Variants in FAT2 observed in about 807,000 individuals in gnomAD.
The protein encoded by FAT2 is FAT atypical cadherin 2, also known as protocadherin Fat 2.
FAT2 carries 150 observed loss-of-function variants against 295.3 expected under a neutral mutation model. That is an observed-to-expected ratio of 0.51 (90% confidence interval 0.44 to 0.58). The LOEUF (loss-of-function observed/expected upper bound fraction) is 0.58. Ranked by LOEUF, FAT2 falls within the 20% of genes least tolerant of loss-of-function variation. FAT2 has a pLI of 0.00. For synonymous variants in FAT2, 2,026 were observed against 2,150.3 expected, an observed-to-expected ratio of 0.94 and a Z score of 1.60; for missense variants, 4,868 against 5,442.7, an observed-to-expected ratio of 0.89 and a Z score of 3.32.
rs76550180 is a variant in FAT2, at chr5:151,514,154, T to C, written c.11464-1548A>G. Among the ~76,000 whole-genome samples, 646 of 152,310 alleles carry C rather than the reference T, an allele frequency of 4.2e-3. 4 individuals carry two copies. Among genetic ancestry groups the C allele is most frequent in the African/African-American group, 0.015 (616 of 41,562 alleles). ...TTTTGCCCCAGTTGAATACTACCTA[T>C]ACCTTTATTTACTTAAAAAGGAGAC... On this transcript the variant is annotated intron_variant, in intron 20 of 23. Transcript: ENST00000261800.
intron 1 of FAT2, among the ~76,000 whole-genome samples, chr5:151,580,259 A>G (rs1305364701): frequency 6.6e-6 from 1 of 152,208 alleles, no homozygotes; most frequent in Non-Finnish European, 1.5e-5. Context: ...AGGAGAGTGC[A>G]GGGAGAAAGA....
At chr5:151,556,705 A>G (rs1193693089) in intron 3 of FAT2, among the ~76,000 whole-genome samples, 1 of 152,214 alleles carries the variant, frequency 6.6e-6, no homozygotes, top group Non-Finnish European at 1.5e-5. Context: ...GAAATATTCA[A>G]TACTTTATTT....
intron 19 of FAT2, among the ~76,000 whole-genome samples, chr5:151,519,205 A>C (rs1326662299): frequency 6.6e-6 from 1 of 152,184 alleles, no homozygotes. Flanking sequence ...TTACCTGGGC[A>C]TGGTGGCACT....
rs148932476 is a variant in FAT2, at chr5:151,512,594, C to T, written c.11476G>A (p.Val3826Met). 6.2e-7 allele frequency: 1 copy of T among 1,604,906 alleles called. No individual in the cohort carries two copies. The highest frequency in any genetic ancestry group is 1.3e-5 in the African/African-American group (1 of 74,798). ...ASVSLKLASGVPQLEYHCLGG... is the reference protein window; with the variant it reads ...ASVSLKLASGMPQLEYHCLGG... ...AGACAGTGGTATTCCAGCTGGGGCA[C>T]TCCACTGGCCAGCTGCAAAGGAAAT... Residue 3826 changes from valine to methionine, a missense_variant, in exon 21 of 24, where the codon GTG (valine) becomes ATG (methionine). Val to Met is a conservative substitution (Grantham distance 21). Transcript: ENST00000261800. The surrounding 1 kb of genome is among the most constrained non-coding windows in gnomAD (Gnocchi z 4.1).
rs114401447 is a variant in FAT2, at chr5:151,584,443, A to G, written c.-21+6722T>C. 6.4e-3 allele frequency among the ~76,000 whole-genome samples: 968 copies of G among 152,250 alleles called. 14 individuals carry two copies. Among genetic ancestry groups the G allele is most frequent in the African/African-American group, 0.022 (914 of 41,538 alleles). ...TTTAATTCCTTCAAAGACCCTATGA[A>G]GGAAGCAAGTCAAGGCCAGGAGATG... On this transcript the variant is annotated intron_variant, in intron 1 of 23. Coordinates refer to ENST00000261800, the MANE Select transcript of FAT2 (RefSeq NM_001447.3).
At chr5:151,564,540 A>G (rs1167300286) in intron 2 of FAT2, among the ~76,000 whole-genome samples, 1 of 152,204 alleles carries the variant, frequency 6.6e-6, no homozygotes, top group Non-Finnish European at 1.5e-5. Context: ...GAAATAAATC[A>G]CCTACCAAAT....
intron 13 of FAT2, among the ~76,000 whole-genome samples, chr5:151,533,397 C>CACAA (rs1754882380): frequency 9.0e-6 from 1 of 111,642 alleles, no homozygotes; most frequent in African/African-American, 4.9e-5. Flanking sequence ...ATCTCCAACA[C>CACAA]ACACACACAC....
chr5:151,528,446 G>A (rs1371001610), intron 15 of FAT2, among the ~76,000 whole-genome samples: 1 of 152,136 alleles, frequency 6.6e-6, no homozygotes, highest in East Asian at 1.9e-4. Flanking sequence ...ATTCTAATTT[G>A]GAGTAAAGTA....
chr5:151,583,356 T>C (rs573612356), intron 1 of FAT2, among the ~76,000 whole-genome samples: 72 of 152,328 alleles, frequency 4.7e-4, no homozygotes, highest in Middle Eastern at 3.4e-3. Flanking sequence ...AATGGAATAC[T>C]ATACAGCAAA....
Position 151,521,949 on chromosome 5 carries a change from G to C in FAT2, c.10644C>G (p.Gly3548=), listed in dbSNP as rs1554124683. 6.2e-7 allele frequency: 1 copy of C among 1,614,196 alleles called. No homozygotes were observed. The highest frequency in any genetic ancestry group is 8.5e-7 in the Non-Finnish European group (1 of 1,180,030). The part of the protein sequence containing the change: ...ITVGEDEFQG[G]MVGKIHATDR... ...CTGTGGCATGGATCTTACCCACCATGCCACCCTGGAACTCATCCTCTCCAA... is the reference window on the plus strand; with the variant it reads ...CTGTGGCATGGATCTTACCCACCATCCCACCCTGGAACTCATCCTCTCCAA... Residue 3548 remains glycine, a synonymous_variant, in exon 19 of 24, where the codon GGC becomes GGG. Transcript: ENST00000261800.
At chr5:151,556,291 G>A (rs766080206) in intron 4 of FAT2, 53 bp downstream of exon 4, 10 of 1,507,922 alleles carry the variant, frequency 6.6e-6, no homozygotes, top group African/African-American at 1.4e-5. Flanking sequence ...GTGGCTCCAA[G>A]GCCTAACATG....
In FAT2 at chr5:151,566,252, C is replaced by G; in HGVS notation, c.2680G>C (p.Glu894Gln). Residue 894 changes from glutamate (E) to glutamine (Q), a missense_variant, in exon 2 of 24, where the codon GAG becomes CAG. Physicochemically the swap from Glu to Gln is conservative, Grantham distance 29. This residue lies in a region of FAT2 where 3,297 missense variants were observed against 3,669.4 expected (regional missense o/e 0.90). Coordinates refer to ENST00000261800, the MANE Select transcript of FAT2 (RefSeq NM_001447.3). ...ESEPRYILKV[E>Q]ARDQPSKGHQ... ...CCTTTGCTGGGCTGATCCCTGGCCTCCACCTTGAGTATGTACCGAGGCTCT... is the reference window on the plus strand; with the variant it reads ...CCTTTGCTGGGCTGATCCCTGGCCTGCACCTTGAGTATGTACCGAGGCTCT... 6.2e-7 allele frequency: 1 copy of G among 1,614,112 alleles called. No homozygotes were observed. Among genetic ancestry groups the G allele is most frequent in the South Asian group, 1.1e-5 (1 of 91,066 alleles).
intron 18 of FAT2, among the ~76,000 whole-genome samples, chr5:151,524,225 A>T (rs963584141): frequency 6.6e-6 from 1 of 152,208 alleles, no homozygotes; most frequent in Non-Finnish European, 1.5e-5. Flanking sequence ...ACCAAGGCTT[A>T]TACTTAGAAG....
intron 14 of FAT2, among the ~76,000 whole-genome samples, chr5:151,530,011 T>C (rs10066926): frequency 0.091 from 13,918 of 152,302 alleles, 1,034 homozygotes; most frequent in African/African-American, 0.2. Flanking sequence ...CCAATGAACA[T>C]CTTTTTATAA....
Position 151,544,007 on chromosome 5 carries a change from C to T in FAT2, c.7120G>A (p.Asp2374Asn), listed in dbSNP as rs1380957012. Reference protein sequence around the residue: ...LVVVNVSDINDNPPEFRQPQY... With the variant: ...LVVVNVSDINNNPPEFRQPQY... The stretch of plus-strand genomic sequence containing the variant: ...GGTTGTCTGAACTCTGGGGGGTTGT[C>T]ATTGATATCAGACACATTGACAACC... The change falls in exon 10 of 24, where the codon GAC (aspartate) becomes AAC (asparagine). Residue 2374 changes from aspartate to asparagine, a missense_variant. Physicochemically the swap from Asp to Asn is conservative, Grantham distance 23 (BLOSUM62 1). Transcript: ENST00000261800. 8 of 1,614,174 alleles carry T rather than the reference C, an allele frequency of 5.0e-6. No homozygotes were observed. In the Admixed American group the frequency reaches 8.3e-5, roughly 17 times the overall value.
intron 19 of FAT2, among the ~76,000 whole-genome samples, chr5:151,520,898 G>A (rs931037018): frequency 2.0e-5 from 3 of 152,194 alleles, no homozygotes; most frequent in Non-Finnish European, 4.4e-5. Flanking sequence ...ACATAGTACT[G>A]ATGTAATTCC....
chr5:151,550,974 G>A (rs1757143843), intron 7 of FAT2, 103 bp from the exon 8 acceptor site: 1 of 963,906 alleles, frequency 1.0e-6, no homozygotes, highest in Non-Finnish European at 1.6e-6. Context: ...CACAGTGCCT[G>A]GCACTCAGCA....
At chr5:151,551,121 A>C (rs75334986) in intron 7 of FAT2, among the ~76,000 whole-genome samples, 1,970 of 152,316 alleles carry the variant, frequency 0.013, 45 homozygotes, top group African/African-American at 0.044. Context: ...GTTGTGTGAA[A>C]TCCAAATGTA....
In FAT2 at chr5:151,554,358, T is replaced by C. The variant is rs2127630118; in HGVS notation, c.3945+4A>G. On this transcript the variant is annotated splice_donor_region_variant and intron_variant, in intron 5 of 23. Transcript: ENST00000261800. Reference sequence around the variant, plus strand: ...CCCTCCGTGGCTTCCTTCTGTCTGCTCACCGTTAGGATGTTGTACTCTCCA... The same window carrying C: ...CCCTCCGTGGCTTCCTTCTGTCTGCCCACCGTTAGGATGTTGTACTCTCCA... 6.2e-7 allele frequency: 1 copy of C among 1,607,650 alleles called. No homozygotes were observed. Among genetic ancestry groups the C allele is most frequent in the Non-Finnish European group, 8.5e-7 (1 of 1,175,330 alleles).
Sources: gnomAD v4.1 joint callset for allele counts (sites outside exome capture counted in the v4.1 genomes callset) on GRCh38, gnomAD v4.1.1 for gene constraint, gnomAD v4.1.1 regional missense constraint, Gnocchi (gnomAD v3.1) non-coding constraint, MANE v1.5 for transcripts, NCBI Gene and HGNC (gene_info 2026-07-23, HGNC 2026-07-21) for gene names.